Variants in DMD observed in about 807,000 individuals in gnomAD.
The protein encoded by DMD is mutant dystrophin.
A neutral mutation model predicts 330.1 loss-of-function variants in DMD; 63 were observed. The observed-to-expected ratio is 0.19, with a 90% CI of 0.16 to 0.24. The LOEUF (loss-of-function observed/expected upper bound fraction) is 0.24, where lower values mean the gene tolerates loss of function less well. DMD is among the 10% of genes least tolerant of loss of function. DMD has a pLI of 1.00. For missense variants in DMD, 3,344 were observed against 2,684.1 expected, an observed-to-expected ratio of 1.25 and a Z score of -5.43; for synonymous variants, 1,223 against 959.8, an observed-to-expected ratio of 1.27 and a Z score of -5.07.
chrX:33,066,461 A>AAAAAAGGAAGGAAGG (rs754870790), intron 1 of DMD, among the ~76,000 whole-genome samples: 1 of 84,207 alleles, frequency 1.2e-5, no homozygotes, highest in African/African-American at 5.3e-5. Flanking sequence ...AAAAAAAAAA[A>AAAAAAGGAAGGAAGG]AAGGAAGGAA....
At chrX:32,443,324 G>A (rs369894274) in intron 27 of DMD, among the ~76,000 whole-genome samples, 19 of 110,668 alleles carry the variant, frequency 1.7e-4, no homozygotes, top group Non-Finnish European at 2.5e-4. Context: ...CTTGGCAAAC[G>A]TACCAACCTT....
chrX:31,799,584 T>C (rs1036033075), intron 50 of DMD, among the ~76,000 whole-genome samples: 10 of 110,933 alleles, frequency 9.0e-5, no homozygotes, highest in African/African-American at 1.3e-4. Flanking sequence ...AGCCAAAACA[T>C]ATCATTCTGC....
rs147042575 is a variant in DMD, at chrX:32,842,406, A to G, written c.264+2377T>C. ...GCTCATTGTAATAGTGTAAACAAACAAACAAACAAAAAAACCCACACACCC... is the reference window on the plus strand; with the variant it reads ...GCTCATTGTAATAGTGTAAACAAACGAACAAACAAAAAAACCCACACACCC... On this transcript the variant is annotated intron_variant, in intron 4 of 78. Coordinates refer to ENST00000357033, the MANE Select transcript of DMD (RefSeq NM_004006.3). Among the ~76,000 whole-genome samples the G allele has an allele frequency of 6.0e-3, 673 of 112,274 alleles. 5 individuals carry two copies. Among genetic ancestry groups the G allele is most frequent in the African/African-American group, 0.021 (644 of 30,888 alleles).
intron 55 of DMD, among the ~76,000 whole-genome samples, chrX:31,515,924 T>A (rs1047730640): frequency 4.5e-5 from 5 of 112,189 alleles, no homozygotes; most frequent in Non-Finnish European, 9.4e-5. Flanking sequence ...ACAGTTGTTT[T>A]GAAAAGGTGT....
In DMD at chrX:32,463,588, C is replaced by A. The variant is rs183819382; in HGVS notation, c.3283G>T (p.Val1095Phe). Reference protein sequence around the residue: ...KKQLKQCRLLVSDIQTIQPSL... With the variant: ...KKQLKQCRLLFSDIQTIQPSL... ...GGCTGAATTGTCTGAATATCACTGA[C>A]TAAAAGCTAAGAAAATAAATCAATT... Residue 1095 changes from valine to phenylalanine, a missense_variant, in exon 25 of 79, where the codon GTC becomes TTC. Physicochemically the swap from Val to Phe is conservative, Grantham distance 50. Transcript: ENST00000357033. 2.6e-6 allele frequency: 3 copies of A among 1,135,518 alleles called. No homozygotes were observed. The highest frequency in any genetic ancestry group is 3.5e-6 in the Non-Finnish European group (3 of 855,009). 93.6% of individuals were successfully genotyped at this position (1,135,518 alleles called of 1,213,427 possible).
chrX:33,192,259 T>C (rs897170012), intron 1 of DMD, among the ~76,000 whole-genome samples: 1 of 112,091 alleles, frequency 8.9e-6, no homozygotes, highest in Non-Finnish European at 1.9e-5. Flanking sequence ...TTTTACTCTA[T>C]GAGCAGATTC....
At chrX:31,137,819 C>G (rs116737206) in intron 76 of DMD, among the ~76,000 whole-genome samples, 2,671 of 110,811 alleles carry the variant, frequency 0.024, 73 homozygotes, top group African/African-American at 0.074. Flanking sequence ...AAAGTGGAGT[C>G]TTGGAAGTCC....
intron 7 of DMD, among the ~76,000 whole-genome samples, chrX:32,768,110 A>C (rs1018564124): frequency 1.8e-5 from 2 of 112,202 alleles, no homozygotes; most frequent in Non-Finnish European, 3.8e-5. Context: ...GTCAGTGGAT[A>C]CCAGTAGAAT....
At chrX:31,309,210 C>T (rs964198219) in intron 62 of DMD, among the ~76,000 whole-genome samples, 3 of 112,071 alleles carry the variant, frequency 2.7e-5, no homozygotes, top group Admixed American at 1.9e-4. Flanking sequence ...AGAGAGTTTA[C>T]AGCTGAACTG....
chrX:32,686,391 C>G (rs1306517930), intron 9 of DMD, among the ~76,000 whole-genome samples: 1 of 109,072 alleles, frequency 9.2e-6, no homozygotes, highest in Non-Finnish European at 1.9e-5. Flanking sequence ...AACCTCGTCT[C>G]TACTGAAAAA....
At chrX:31,926,459 GA>G (rs1312738880) in intron 47 of DMD, among the ~76,000 whole-genome samples, 2 of 111,153 alleles carry the variant, frequency 1.8e-5, no homozygotes, top group Non-Finnish European at 3.8e-5. Context: ...AGCAGATCAT[GA>G]GGTCAGGAGT....
chrX:32,768,953 T>A (rs1033676830), intron 7 of DMD, among the ~76,000 whole-genome samples: 1 of 111,702 alleles, frequency 9.0e-6, no homozygotes, highest in African/African-American at 3.3e-5. Context: ...ATGTGGAAAG[T>A]GAAGGGAGCA....
At chrX:31,546,410 C>T (rs749339405) in intron 55 of DMD, among the ~76,000 whole-genome samples, 3 of 111,576 alleles carry the variant, frequency 2.7e-5, no homozygotes, top group African/African-American at 9.8e-5. Flanking sequence ...CCCTGGAAAC[C>T]TGCCTATATT....
At chrX:32,218,234 A>G (rs1420349108) in intron 43 of DMD, among the ~76,000 whole-genome samples, 3 of 111,677 alleles carry the variant, frequency 2.7e-5, no homozygotes, top group African/African-American at 9.8e-5. Context: ...CTTAATCAGT[A>G]TTTCTGGAGG....
intron 2 of DMD, among the ~76,000 whole-genome samples, chrX:32,879,769 T>G (rs868779081): frequency 3.6e-5 from 4 of 111,612 alleles, no homozygotes; most frequent in African/African-American, 9.8e-5. Context: ...ATCAAGACCT[T>G]CAATCTCTAC....
chrX:32,004,937 G>T (rs1284551746), intron 44 of DMD, among the ~76,000 whole-genome samples: 1 of 110,869 alleles, frequency 9.0e-6, no homozygotes, highest in Non-Finnish European at 1.9e-5. Context: ...TATCTTTCTT[G>T]ATGATCTCTC....
intron 5 of DMD, among the ~76,000 whole-genome samples, chrX:32,819,601 A>C (rs1162595343): frequency 2.7e-5 from 3 of 111,741 alleles, no homozygotes; most frequent in African/African-American, 9.8e-5. Flanking sequence ...ACAGTAGAAA[A>C]ACAGTAATAG....
At chrX:32,500,272 T>C (rs1413151652) in intron 19 of DMD, among the ~76,000 whole-genome samples, 1 of 111,513 alleles carries the variant, frequency 9.0e-6, no homozygotes, top group African/African-American at 3.3e-5. Flanking sequence ...TCTGGTCAAT[T>C]AATATTTACT....
intron 18 of DMD, among the ~76,000 whole-genome samples, chrX:32,514,235 G>GGA (rs1438593001): frequency 1.6e-4 from 12 of 77,281 alleles, no homozygotes; most frequent in Admixed American, 3.0e-4. Flanking sequence ...AAGGCAGGTG[G>GGA]AAAAAAAAAA....
Sources: allele counts gnomAD v4.1 joint callset (sites outside exome capture counted in the v4.1 genomes callset), GRCh38; gene constraint gnomAD v4.1.1; transcripts MANE v1.5; gene names NCBI Gene and HGNC (gene_info 2026-07-23, HGNC 2026-07-21).